ALDH9A1: variants seen among roughly 807,000 people sequenced by gnomAD.
ALDH9A1 encodes the protein aldehyde dehydrogenase 9 family member A1.
ALDH9A1 carries 42 observed loss-of-function variants against 56.6 expected under a neutral mutation model. The ratio of observed to expected loss-of-function variants is 0.74; its 90% CI spans 0.58 to 0.96. The LOEUF (loss-of-function observed/expected upper bound fraction) is 0.96, where lower values mean the gene tolerates loss of function less well. Ranked by LOEUF, ALDH9A1 falls within the 40% of genes least tolerant of loss-of-function variation. The probability of loss-of-function intolerance (pLI) is 0.00; values close to 1 mark genes in which losing one functional copy is unlikely to be tolerated. For synonymous variants in ALDH9A1, 242 were observed against 236.0 expected (o/e 1.03, Z -0.23); for missense variants, 661 against 651.5 (o/e 1.01, Z -0.16).
In ALDH9A1 at chr1:165,669,319, G is replaced by A. The variant is rs1262250964; in HGVS notation, c.1062C>T (p.Leu354=). ...CTCGCTCCAGGTGTGGTCGGTTGATGAGTGGACCCATCCTTGTATCTTCCA... is the reference window on the plus strand; with the variant it reads ...CTCGCTCCAGGTGTGGTCGGTTGATAAGTGGACCCATCCTTGTATCTTCCA... The part of the protein sequence containing the change: ...PLLEDTRMGP[L]INRPHLERVL... Residue 354 remains leucine (L), a synonymous_variant, in exon 7 of 11, where the codon CTC becomes CTT. Coordinates refer to ENST00000354775, the MANE Select transcript of ALDH9A1 (RefSeq NM_000696.4). 1.2e-6 allele frequency: 2 copies of A among 1,614,000 alleles called. No individual in the cohort carries two copies. The highest frequency in any genetic ancestry group is 1.7e-5 in the Admixed American group (1 of 59,988).
At chr1:165,682,449 T>A (rs74711910) in intron 3 of ALDH9A1, among the ~76,000 whole-genome samples, 2,421 of 152,330 alleles carry the variant, frequency 0.016, 67 homozygotes, top group African/African-American at 0.055. Context: ...GAACCCTGCC[T>A]ATCCTTCAAA....
chr1:165,669,905 G>A (rs1336441225), intron 6 of ALDH9A1, among the ~76,000 whole-genome samples: 3 of 152,000 alleles, frequency 2.0e-5, no homozygotes, highest in East Asian at 3.9e-4. Context: ...CTATAGAAAG[G>A]AACATAAAAA....
At chr1:165,664,981 G>T (rs1397317304) in intron 10 of ALDH9A1, 37 bp downstream of exon 10, 2 of 1,504,346 alleles carry the variant, frequency 1.3e-6, no homozygotes, top group African/African-American at 2.8e-5. Flanking sequence ...CCTAGCTCTA[G>T]AGACCTAGTT....
intron 6 of ALDH9A1, among the ~76,000 whole-genome samples, chr1:165,673,971 C>T (rs1032123491): frequency 6.6e-6 from 1 of 152,052 alleles, no homozygotes; most frequent in African/African-American, 2.4e-5. Context: ...TCATAAAGAC[C>T]TTGCTGATAA....
chr1:165,669,477 T>G (rs184251459), intron 6 of ALDH9A1, 27 bp from the exon 7 acceptor site: 1 of 1,576,780 alleles, frequency 6.3e-7, no homozygotes, highest in East Asian at 2.3e-5. Context: ...AGACATCAAT[T>G]TCTATGTGTG....
intron 2 of ALDH9A1, among the ~76,000 whole-genome samples, chr1:165,686,593 A>C (rs895709804): frequency 6.6e-6 from 1 of 152,030 alleles, no homozygotes; most frequent in Non-Finnish European, 1.5e-5. Context: ...AGAAAACCTC[A>C]TTAACACCCG....
chr1:165,692,691 C>T (rs1649932357), intron 2 of ALDH9A1, among the ~76,000 whole-genome samples: 1 of 151,644 alleles, frequency 6.6e-6, no homozygotes, highest in Non-Finnish European at 1.5e-5. Context: ...CAATGACTTT[C>T]TTCACAGAAT....
Position 165,669,438 on chromosome 1 carries a change from C to T in ALDH9A1, c.943G>A (p.Gly315Ser). Reference sequence around the variant, plus strand: ...TCTTTCTGCACAAATACTCTTGTGCCATTACAGCAAACCTAAAGGACAAAC... The same window carrying T: ...TCTTTCTGCACAAATACTCTTGTGCTATTACAGCAAACCTAAAGGACAAAC... ...FLTQGQVCCNGTRVFVQKEIL... is the reference protein window; with the variant it reads ...FLTQGQVCCNSTRVFVQKEIL... Residue 315 changes from glycine to serine, a missense_variant, in exon 7 of 11, where the codon GGC (glycine) becomes AGC (serine). By Grantham distance (56) the Gly-to-Ser change is moderately conservative. Coordinates refer to ENST00000354775, the MANE Select transcript of ALDH9A1 (RefSeq NM_000696.4). 1 of 1,610,928 alleles carries T rather than the reference C, an allele frequency of 6.2e-7. No homozygotes were observed. The highest frequency in any genetic ancestry group is 8.5e-7 in the Non-Finnish European group (1 of 1,178,650).
chr1:165,698,533 G>A lies in ALDH9A1; in HGVS notation c.26C>T (p.Ala9Val). ...AAGACTGCGAAGAAGCGGGGAGAGCGCGGCCAGGCCTGCTCGGAGAAACAT... is the reference window on the plus strand; with the variant it reads ...AAGACTGCGAAGAAGCGGGGAGAGCACGGCCAGGCCTGCTCGGAGAAACAT... MFLRAGLAALSPLLRSLRP... is the reference protein window; with the variant it reads MFLRAGLAVLSPLLRSLRP... The change falls in exon 1 of 11, where the codon GCG (alanine) becomes GTG (valine). Residue 9 changes from alanine to valine, a missense_variant. Physicochemically the swap from Ala to Val is moderately conservative, Grantham distance 64 (BLOSUM62 0). Coordinates refer to ENST00000354775, the MANE Select transcript of ALDH9A1 (RefSeq NM_000696.4). The A allele has an allele frequency of 1.2e-6, 2 of 1,609,974 alleles. No individual in the cohort carries two copies.
Position 165,668,922 on chromosome 1 carries a change from A to G in ALDH9A1, c.1207+4T>C. On this transcript the variant is annotated splice_donor_region_variant and intron_variant, in intron 8 of 10. Transcript: ENST00000354775. ...ATCTAAAAGCAAACAAAAAGAGGAC[A>G]TACTTAATACACAAGGTCTCATGTA... is the stretch of plus-strand genomic sequence containing the variant. 6.4e-7 allele frequency: 1 copy of G among 1,567,906 alleles called. No individual in the cohort carries two copies. The highest frequency in any genetic ancestry group is 8.8e-7 in the Non-Finnish European group (1 of 1,139,390).
chr1:165,690,426 A>G (rs1649851440), intron 2 of ALDH9A1, among the ~76,000 whole-genome samples: 1 of 152,086 alleles, frequency 6.6e-6, no homozygotes, highest in South Asian at 2.1e-4. Flanking sequence ...AAGACTATAA[A>G]AAGTTTAACT....
At chr1:165,684,667 T>C (rs1404414746) in intron 2 of ALDH9A1, among the ~76,000 whole-genome samples, 1 of 152,288 alleles carries the variant, frequency 6.6e-6, no homozygotes, top group East Asian at 1.9e-4. Context: ...AGTGCATTAA[T>C]CGGTTGAATA....
intron 6 of ALDH9A1, among the ~76,000 whole-genome samples, chr1:165,674,207 C>G (rs6669697): frequency 1.5e-4 from 22 of 150,416 alleles, no homozygotes; most frequent in African/African-American, 5.4e-4. Flanking sequence ...GTTTAGCATA[C>G]GATCAAGAAA....
At position 165,668,932 on chromosome 1, in the gene ALDH9A1, C is replaced by A. The variant is rs1330265090; in HGVS notation, c.1201G>T (p.Val401Leu). ...AAACAAAAAGAGGACATACTTAATACACAAGGTCTCATGTAATATCCATCC... is the reference window on the plus strand; with the variant it reads ...AAACAAAAAGAGGACATACTTAATAAACAAGGTCTCATGTAATATCCATCC... ...LKDGYYMRPC[V>L]LTNCRDDMTC... The change falls in exon 8 of 11, where the codon GTA becomes TTA. Residue 401 changes from valine (V) to leucine (L), a missense_variant. Transcript: ENST00000354775. 1.3e-6 allele frequency: 2 copies of A among 1,590,154 alleles called. No individual in the cohort carries two copies. The highest frequency in any genetic ancestry group is 1.7e-6 in the Non-Finnish European group (2 of 1,158,618).
chr1:165,677,801 T>C (rs1649411498), intron 6 of ALDH9A1, among the ~76,000 whole-genome samples: 1 of 136,802 alleles, frequency 7.3e-6, no homozygotes, highest in Admixed American at 8.5e-5. Flanking sequence ...GAGCTTGCAG[T>C]GAGCCGAGAT....
Position 165,686,315 on chromosome 1 carries a change from C to T in ALDH9A1, c.328-3205G>A, listed in dbSNP as rs185018431. 5.3e-5 allele frequency among the ~76,000 whole-genome samples: 8 copies of T among 152,104 alleles called. No homozygotes were observed. In the East Asian group the frequency reaches 1.2e-3, roughly 22 times the overall value. On this transcript the variant is annotated intron_variant, in intron 2 of 10. Transcript: ENST00000354775. ...AGGGAGGAGGAAGCTAGGTGGCGCC[C>T]AGCAGACACATGAGTTGAGAAGATA... is the stretch of plus-strand genomic sequence containing the variant.
chr1:165,696,533 T>C (rs1377746362), intron 1 of ALDH9A1, among the ~76,000 whole-genome samples: 1 of 152,184 alleles, frequency 6.6e-6, no homozygotes, highest in Non-Finnish European at 1.5e-5. Context: ...AGCAGTAATA[T>C]CAGGATAAGG....
intron 9 of ALDH9A1, 91 bp downstream of exon 9, chr1:165,667,218 C>A: frequency 6.6e-7 from 1 of 1,520,516 alleles, no homozygotes; most frequent in South Asian, 1.3e-5. Flanking sequence ...TGAGGGCAAA[C>A]TAAAGTGAGA....
intron 8 of ALDH9A1, 129 bp from the exon 9 acceptor site, chr1:165,667,579 G>A (rs886747339): frequency 2.4e-5 from 23 of 943,212 alleles, no homozygotes; most frequent in Admixed American, 1.8e-4. Flanking sequence ...GGGCTCCAGC[G>A]ATCCTCCTGC....
Sources: gnomAD v4.1 joint callset for allele counts (sites outside exome capture counted in the v4.1 genomes callset) on GRCh38, gnomAD v4.1.1 for gene constraint, MANE v1.5 for transcripts, NCBI Gene and HGNC (gene_info 2026-07-23, HGNC 2026-07-21) for gene names.